Variants in CA10 observed in about 807,000 individuals in gnomAD.
CA10 encodes the protein carbonic anhydrase-related protein 10.
In CA10, 14 loss-of-function variants were observed where a neutral mutation model predicts 44.2. The ratio of observed to expected loss-of-function variants is 0.32; its 90% CI spans 0.21 to 0.50. The LOEUF is 0.50. Ranked by LOEUF, CA10 falls within the 20% of genes least tolerant of loss-of-function variation. The pLI is 0.99. For synonymous variants in CA10, 159 were observed against 141.6 expected, an observed-to-expected ratio of 1.12 and a Z score of -0.87; for missense variants, 350 against 409.7, an observed-to-expected ratio of 0.85 and a Z score of 1.26.
At chr17:51,907,044 A>T (rs138915386) in intron 3 of CA10, among the ~76,000 whole-genome samples, 7 of 152,154 alleles carry the variant, frequency 4.6e-5, no homozygotes, top group African/African-American at 1.4e-4. Flanking sequence ...TCCAATATCT[A>T]TTGAAAGCTT....
intron 2 of CA10, among the ~76,000 whole-genome samples, chr17:51,932,490 A>G (rs1453003122): frequency 2.6e-5 from 4 of 152,160 alleles, no homozygotes; most frequent in Non-Finnish European, 5.9e-5. Context: ...AGAACTAAAA[A>G]TAAGTTCCTT....
intron 3 of CA10, among the ~76,000 whole-genome samples, chr17:51,873,690 A>G (rs1032207168): frequency 1.3e-5 from 2 of 152,194 alleles, no homozygotes; most frequent in Non-Finnish European, 2.9e-5. Flanking sequence ...CTGAGAGGCA[A>G]TTGTGCTGGC....
At chr17:51,824,997 C>A (rs1334045567) in intron 3 of CA10, among the ~76,000 whole-genome samples, 1 of 152,184 alleles carries the variant, frequency 6.6e-6, no homozygotes, top group African/African-American at 2.4e-5. Flanking sequence ...ACTTTCGGAT[C>A]ATTTTGTTGC....
intron 4 of CA10, among the ~76,000 whole-genome samples, chr17:51,731,706 C>T (rs1038863960): frequency 1.4e-5 from 2 of 144,776 alleles, no homozygotes; most frequent in Non-Finnish European, 3.0e-5. Flanking sequence ...GAGACAGGGT[C>T]TCACTCTGTT....
intron 1 of CA10, among the ~76,000 whole-genome samples, chr17:52,145,056 C>T (rs1041186337): frequency 6.6e-6 from 1 of 152,180 alleles, no homozygotes; most frequent in African/African-American, 2.4e-5. Context: ...CTCTTCAATA[C>T]ATCTGTAGCA....
At chr17:51,769,823 A>C (rs1380613128) in intron 3 of CA10, among the ~76,000 whole-genome samples, 1 of 152,198 alleles carries the variant, frequency 6.6e-6, no homozygotes, top group African/African-American at 2.4e-5. Flanking sequence ...AAGAGAAGCC[A>C]ACGTGGTTGA....
At chr17:52,131,611 C>T (rs1440982239) in intron 1 of CA10, among the ~76,000 whole-genome samples, 1 of 152,104 alleles carries the variant, frequency 6.6e-6, no homozygotes, top group Non-Finnish European at 1.5e-5. Context: ...AGATAGAGAG[C>T]ATTTAATTTT....
At chr17:51,762,775 G>A (rs980864777) in intron 3 of CA10, 6 of 152,170 alleles carry the variant, frequency 3.9e-5, no homozygotes, top group African/African-American at 1.4e-4. Flanking sequence ...AGCAAGAAAA[G>A]GAGGGAGAAT....
intron 1 of CA10, among the ~76,000 whole-genome samples, chr17:52,108,997 A>C (rs1234978990): frequency 6.6e-6 from 1 of 152,212 alleles, no homozygotes; most frequent in Non-Finnish European, 1.5e-5. Flanking sequence ...TTGCTGATGA[A>C]AGAAATCAAA....
intron 1 of CA10, among the ~76,000 whole-genome samples, chr17:52,126,156 C>G (rs1440522892): frequency 6.6e-6 from 1 of 152,128 alleles, no homozygotes; most frequent in African/African-American, 2.4e-5. Context: ...ATTGCTCATC[C>G]TATCCTGGAC....
chr17:52,023,954 T>C (rs1986223171), intron 2 of CA10, among the ~76,000 whole-genome samples: 2 of 152,130 alleles, frequency 1.3e-5, no homozygotes, highest in Non-Finnish European at 2.9e-5. Context: ...TGTAGTTTTA[T>C]TTTATTTTAT....
chr17:51,942,451 A>T (rs1436355476), intron 2 of CA10, among the ~76,000 whole-genome samples: 1 of 151,724 alleles, frequency 6.6e-6, no homozygotes, highest in Non-Finnish European at 1.5e-5. Flanking sequence ...TGTCTTGACC[A>T]ACACATTTCA....
intron 4 of CA10, among the ~76,000 whole-genome samples, chr17:51,697,593 T>A (rs1915445362): frequency 1.3e-5 from 2 of 152,196 alleles, no homozygotes; most frequent in Admixed American, 6.5e-5. Flanking sequence ...TCCTTGTAGA[T>A]GAGACGTTGT....
chr17:51,816,199 C>T (rs939648132), intron 3 of CA10, among the ~76,000 whole-genome samples: 4 of 152,184 alleles, frequency 2.6e-5, no homozygotes, highest in African/African-American at 9.7e-5. Flanking sequence ...TATTTCACCT[C>T]ACATAATGAT....
intron 2 of CA10, among the ~76,000 whole-genome samples, chr17:51,964,067 A>C (rs1343010569): frequency 6.6e-6 from 1 of 152,172 alleles, no homozygotes; most frequent in African/African-American, 2.4e-5. Context: ...GGGCTGGAGA[A>C]GGTTCTATAA....
At chr17:51,963,111 G>T (rs1032598752) in intron 2 of CA10, among the ~76,000 whole-genome samples, 1 of 152,026 alleles carries the variant, frequency 6.6e-6, no homozygotes, top group African/African-American at 2.4e-5. Context: ...TCAAGGAATT[G>T]CAAAATATAA....
chr17:51,896,044 A>G (rs1981053907), intron 3 of CA10, among the ~76,000 whole-genome samples: 1 of 152,072 alleles, frequency 6.6e-6, no homozygotes, highest in African/African-American at 2.4e-5. Context: ...AACTTCATCA[A>G]GGTATTATTT....
chr17:52,004,146 T>G lies in CA10; in HGVS notation c.136+68173A>C, dbSNP rs558502221. 3.9e-5 allele frequency among the ~76,000 whole-genome samples: 6 copies of G among 152,034 alleles called. No individual in the cohort carries two copies. The East Asian group carries it at 1.2e-3, about 30-fold the overall frequency. On this transcript the variant is annotated intron_variant, in intron 2 of 8. Coordinates refer to ENST00000451037, the MANE Select transcript of CA10 (RefSeq NM_020178.5). ...GCAATTTGCCCATCTTTACAGATCATAAAAATTCATTGAATTATGCTTCTT... is the reference window on the plus strand; with the variant it reads ...GCAATTTGCCCATCTTTACAGATCAGAAAAATTCATTGAATTATGCTTCTT...
chr17:51,711,838 G>A (rs1449197150), intron 4 of CA10, among the ~76,000 whole-genome samples: 1 of 152,190 alleles, frequency 6.6e-6, no homozygotes, highest in African/African-American at 2.4e-5. Context: ...CTTCTGCTGG[G>A]GGTGAGGTGG....
Sources: gnomAD v4.1 joint callset for allele counts (sites outside exome capture counted in the v4.1 genomes callset) on GRCh38, gnomAD v4.1.1 for gene constraint, MANE v1.5 for transcripts, NCBI Gene and HGNC (gene_info 2026-07-23, HGNC 2026-07-21) for gene names.